RFX7: variants seen among roughly 807,000 people sequenced by gnomAD.
The protein encoded by RFX7 is regulatory factor X7.
In RFX7, 26 loss-of-function variants were observed where a neutral mutation model predicts 111.8. The observed-to-expected ratio is 0.23, with a 90% CI of 0.17 to 0.32. The LOEUF (loss-of-function observed/expected upper bound fraction) is 0.32. Ranked by LOEUF, RFX7 falls within the 10% of genes least tolerant of loss-of-function variation. The pLI is 1.00. For synonymous variants in RFX7, 624 were observed against 624.4 expected (o/e 1.00, Z 0.01); for missense variants, 1,573 against 1,772.9 (o/e 0.89, Z 2.02).
intron 5 of RFX7, among the ~76,000 whole-genome samples, chr15:56,121,683 T>G (rs947856911): frequency 5.9e-5 from 9 of 152,202 alleles, no homozygotes; most frequent in African/African-American, 1.9e-4. Context: ...TGGAGGCTAT[T>G]TTCTAGATCT....
chr15:56,186,237 T>C (rs1323869987), intron 2 of RFX7, among the ~76,000 whole-genome samples: 1 of 152,192 alleles, frequency 6.6e-6, no homozygotes. Context: ...CTCTTCAGGT[T>C]CTATGCTTTA....
At chr15:56,239,984 C>CTTTTTTTTTTTTTTTT (rs5812831) in intron 2 of RFX7, among the ~76,000 whole-genome samples, 4 of 120,920 alleles carry the variant, frequency 3.3e-5, no homozygotes, top group Middle Eastern at 4.9e-3. Context: ...TTTGGTATTT[C>CTTTTTTTTTTTTTTTT]TTTTTTTTTT....
At chr15:56,171,002 A>G (rs143108814) in intron 3 of RFX7, among the ~76,000 whole-genome samples, 52 of 152,356 alleles carry the variant, frequency 3.4e-4, no homozygotes, top group Non-Finnish European at 5.9e-4. Flanking sequence ...TGAAATAAAC[A>G]GAACTTTATA....
intron 3 of RFX7, among the ~76,000 whole-genome samples, chr15:56,159,389 A>G (rs1055964719): frequency 1.3e-5 from 2 of 152,186 alleles, no homozygotes; most frequent in African/African-American, 4.8e-5. Context: ...CCACAAGAGC[A>G]AGAGTCCTCC....
At chr15:56,211,763 G>A (rs1304765734) in intron 2 of RFX7, among the ~76,000 whole-genome samples, 4 of 152,076 alleles carry the variant, frequency 2.6e-5, no homozygotes, top group Admixed American at 2.6e-4. Context: ...TGGCAAATAA[G>A]CACATGAAGA....
At position 56,089,116 on chromosome 15, in the gene RFX7, C is replaced by T. The variant is rs2041564852; in HGVS notation, c.*4229G>A. 1 of 152,186 alleles carries T rather than the reference C, an allele frequency of 6.6e-6. No individual in the cohort carries two copies. The highest frequency in any genetic ancestry group is 2.4e-5 in the African/African-American group (1 of 41,422). 9.4% of individuals were successfully genotyped at this position (152,186 alleles called of 1,614,324 possible). Reference sequence around the variant, plus strand: ...TGGGCCCCCCCTCCTACCTATAAAGCATTAATTAAGGATCTAAGCTAAGTA... The same window carrying T: ...TGGGCCCCCCCTCCTACCTATAAAGTATTAATTAAGGATCTAAGCTAAGTA... On this transcript the variant is annotated 3_prime_UTR_variant, in exon 10 of 10. Transcript: ENST00000559447.
At chr15:56,103,933 C>T (rs927456590) in intron 5 of RFX7, among the ~76,000 whole-genome samples, 4 of 152,098 alleles carry the variant, frequency 2.6e-5, no homozygotes, top group Non-Finnish European at 4.4e-5. Context: ...ACAAAGTTTT[C>T]GAATTACAAT....
chr15:56,108,054 G>A (rs2041855507), intron 5 of RFX7, among the ~76,000 whole-genome samples: 1 of 152,106 alleles, frequency 6.6e-6, no homozygotes, highest in African/African-American at 2.4e-5. Flanking sequence ...TGAAATTGAG[G>A]CAGTAATAAA....
chr15:56,203,325 G>A (rs912083438), intron 2 of RFX7, among the ~76,000 whole-genome samples: 2 of 152,190 alleles, frequency 1.3e-5, no homozygotes, highest in Non-Finnish European at 2.9e-5. Flanking sequence ...AACCCACAGA[G>A]AAAGTGGCTA....
chr15:56,149,063 A>G (rs2042528071), intron 3 of RFX7, among the ~76,000 whole-genome samples: 2 of 149,992 alleles, frequency 1.3e-5, no homozygotes, highest in African/African-American at 2.5e-5. Flanking sequence ...AGCCTCAGCG[A>G]CAGAGCGAGA....
chr15:56,098,419 T>A, intron 8 of RFX7, 43 bp from the exon 9 acceptor site: 2 of 1,515,682 alleles, frequency 1.3e-6, no homozygotes, highest in Non-Finnish European at 1.8e-6. Context: ...ATACTCTCCT[T>A]TATAGAAGGG....
chr15:56,228,889 A>T (rs1226325081), intron 2 of RFX7, among the ~76,000 whole-genome samples: 1 of 152,216 alleles, frequency 6.6e-6, no homozygotes, highest in Non-Finnish European at 1.5e-5. Flanking sequence ...TTAATTTATA[A>T]ATTAGGCATA....
intron 2 of RFX7, among the ~76,000 whole-genome samples, chr15:56,186,640 A>T (rs1272352992): frequency 1.3e-5 from 2 of 152,002 alleles, no homozygotes; most frequent in African/African-American, 4.8e-5. Flanking sequence ...ACATGTGTGT[A>T]TGTGTATATA....
chr15:56,169,986 C>A (rs2042828354), intron 3 of RFX7, among the ~76,000 whole-genome samples: 1 of 151,832 alleles, frequency 6.6e-6, no homozygotes, highest in Admixed American at 6.6e-5. Flanking sequence ...AGGAGTAACT[C>A]CCAAAAATAT....
At chr15:56,210,530 C>T (rs1050569172) in intron 2 of RFX7, among the ~76,000 whole-genome samples, 1 of 152,070 alleles carries the variant, frequency 6.6e-6, no homozygotes, top group Admixed American at 6.6e-5. Flanking sequence ...TCACATGGAA[C>T]ATTCACCAAG....
At chr15:56,112,412 A>T (rs1208285325) in intron 5 of RFX7, among the ~76,000 whole-genome samples, 1 of 146,358 alleles carries the variant, frequency 6.8e-6, no homozygotes, top group Non-Finnish European at 1.5e-5. Flanking sequence ...AGAACTACAA[A>T]CCTATTTAAG....
Position 56,241,698 on chromosome 15 carries a change from G to A in RFX7, c.161+1427C>T, listed in dbSNP as rs556976552. Among the ~76,000 whole-genome samples the A allele has an allele frequency of 6.2e-5, 9 of 145,646 alleles. No homozygotes were observed. The East Asian group carries it at 1.9e-3, about 31-fold the overall frequency. ...TAAAAAGGGGGTGAGGGTATCCATT[G>A]AAGAATAAAGCCTGCTTTCTGTCAC... is the stretch of plus-strand genomic sequence containing the variant. On this transcript the variant is annotated intron_variant, in intron 2 of 9. Transcript: ENST00000559447.
intron 5 of RFX7, among the ~76,000 whole-genome samples, chr15:56,134,857 A>G (rs1215529014): frequency 6.6e-6 from 1 of 152,096 alleles, no homozygotes; most frequent in Non-Finnish European, 1.5e-5. Context: ...GAGTGAGAAT[A>G]TGCAGTGTTT....
At chr15:56,137,773 C>A (rs1425220982) in intron 5 of RFX7, among the ~76,000 whole-genome samples, 3 of 152,238 alleles carry the variant, frequency 2.0e-5, no homozygotes, top group African/African-American at 4.8e-5. Flanking sequence ...TTTCCCTCTA[C>A]ACACTGCTTT....
Sources: gnomAD v4.1 joint callset for allele counts (sites outside exome capture counted in the v4.1 genomes callset) on GRCh38, gnomAD v4.1.1 for gene constraint, MANE v1.5 for transcripts, NCBI Gene and HGNC (gene_info 2026-07-23, HGNC 2026-07-21) for gene names.